KIF26B: variants seen among roughly 807,000 people sequenced by gnomAD.
KIF26B encodes kinesin family member 26B.
KIF26B carries 63 observed loss-of-function variants against 151.2 expected under a neutral mutation model. The ratio of observed to expected loss-of-function variants is 0.42; its 90% CI spans 0.34 to 0.51. The LOEUF (loss-of-function observed/expected upper bound fraction) is 0.51, where lower values mean the gene tolerates loss of function less well. Ranked by LOEUF, KIF26B falls within the 20% of genes least tolerant of loss-of-function variation. The probability of loss-of-function intolerance (pLI) is 0.07; values close to 1 mark genes in which losing one functional copy is unlikely to be tolerated. For missense variants in KIF26B, 2,813 were observed against 2,913.6 expected, an observed-to-expected ratio of 0.97 and a Z score of 0.79; for synonymous variants, 1,357 against 1,262.1, an observed-to-expected ratio of 1.08 and a Z score of -1.59.
At chr1:245,216,361 A>G (rs1326668872) in intron 2 of KIF26B, 1 of 152,176 alleles carries the variant, frequency 6.6e-6, no homozygotes, top group African/African-American at 2.4e-5. Flanking sequence ...GAACAGGGTA[A>G]ACTCAGAGAC....
intron 9 of KIF26B, among the ~76,000 whole-genome samples, chr1:245,645,550 C>T (rs375404856): frequency 1.7e-4 from 26 of 152,286 alleles, no homozygotes; most frequent in East Asian, 7.7e-4. Flanking sequence ...GGGAACTGAA[C>T]GAAACTGATG....
chr1:245,265,508 A>G (rs369831244), intron 2 of KIF26B, among the ~76,000 whole-genome samples: 5 of 152,268 alleles, frequency 3.3e-5, no homozygotes, highest in African/African-American at 1.2e-4. Context: ...TAGACCAAAT[A>G]CATCAATGTG....
At chr1:245,432,008 T>G (rs182873779) in intron 4 of KIF26B, among the ~76,000 whole-genome samples, 11 of 152,096 alleles carry the variant, frequency 7.2e-5, no homozygotes, top group Admixed American at 5.9e-4. Flanking sequence ...TAGGCTTTGT[T>G]CTTCTGCTTG....
intron 4 of KIF26B, among the ~76,000 whole-genome samples, chr1:245,483,056 T>C (rs979873967): frequency 2.6e-5 from 4 of 151,664 alleles, no homozygotes; most frequent in African/African-American, 9.7e-5. Flanking sequence ...GCATCATTTA[T>C]TTTGGAAGTT....
chr1:245,455,194 C>T (rs1461509715), intron 4 of KIF26B, among the ~76,000 whole-genome samples: 3 of 152,062 alleles, frequency 2.0e-5, no homozygotes, highest in Admixed American at 6.6e-5. Context: ...AACCCCTAAG[C>T]GTCTATCACT....
At chr1:245,173,643 C>A (rs1049280935) in intron 2 of KIF26B, among the ~76,000 whole-genome samples, 5 of 152,196 alleles carry the variant, frequency 3.3e-5, no homozygotes, top group African/African-American at 1.2e-4. Context: ...ACTGCACAGC[C>A]CTTCCTGCTC....
intron 10 of KIF26B, among the ~76,000 whole-genome samples, chr1:245,674,974 T>C (rs139207681): frequency 6.8e-4 from 103 of 152,318 alleles, no homozygotes; most frequent in African/African-American, 2.4e-3. Context: ...ACTGCATGTT[T>C]GGAGGGTTCC....
chr1:245,261,210 A>C (rs142518599), intron 2 of KIF26B, among the ~76,000 whole-genome samples: 4,045 of 150,350 alleles, frequency 0.027, 151 homozygotes, highest in African/African-American at 0.084. Flanking sequence ...CAATGGTGCA[A>C]TCTCGGCTCA....
At chr1:245,357,967 A>C (rs1417415897) in intron 2 of KIF26B, among the ~76,000 whole-genome samples, 1 of 152,146 alleles carries the variant, frequency 6.6e-6, no homozygotes, top group Non-Finnish European at 1.5e-5. Flanking sequence ...CCCAGATTAG[A>C]TGGCAGTGGC....
chr1:245,372,049 A>G (rs1315005363), intron 3 of KIF26B, among the ~76,000 whole-genome samples: 1 of 152,054 alleles, frequency 6.6e-6, no homozygotes, highest in Admixed American at 6.6e-5. Context: ...ACCCCAGGCC[A>G]CAGATTGATA....
chr1:245,201,225 C>T (rs1669295396), intron 2 of KIF26B, among the ~76,000 whole-genome samples: 1 of 152,188 alleles, frequency 6.6e-6, no homozygotes, highest in Admixed American at 6.5e-5. Context: ...TAAGGTATTA[C>T]AAGTTAAACA....
intron 4 of KIF26B, among the ~76,000 whole-genome samples, chr1:245,435,997 C>G (rs1000623485): frequency 2.6e-5 from 4 of 151,976 alleles, no homozygotes; most frequent in Non-Finnish European, 5.9e-5. Context: ...GCCAACATGA[C>G]AAAACCCCGT....
chr1:245,380,887 A>G (rs1410561571), intron 3 of KIF26B, among the ~76,000 whole-genome samples: 1 of 148,354 alleles, frequency 6.7e-6, no homozygotes. Context: ...GCTGTATTGT[A>G]TCTCCTCCCT....
chr1:245,513,294 G>A lies in KIF26B; in HGVS notation c.1167-27473G>A, dbSNP rs189374717. Among the ~76,000 whole-genome samples, 72 of 149,750 alleles carry A rather than the reference G, an allele frequency of 4.8e-4. 1 individual carries two copies. In the East Asian group the frequency reaches 7.1e-3, roughly 15 times the overall value. On this transcript the variant is annotated intron_variant, in intron 4 of 14. Coordinates refer to ENST00000407071, the MANE Select transcript of KIF26B (RefSeq NM_018012.4). ...TGCTTTTTAGCAGTGAATGAGCAAA[G>A]AGACCAGATATGCTGATACCTGCAC...
intron 5 of KIF26B, among the ~76,000 whole-genome samples, chr1:245,592,216 C>A (rs544462025): frequency 4.6e-5 from 7 of 152,368 alleles, no homozygotes; most frequent in African/African-American, 1.7e-4. Context: ...TATTTGCTGT[C>A]TGGCACCACG....
chr1:245,504,209 C>T (rs1301523872), intron 4 of KIF26B, among the ~76,000 whole-genome samples: 1 of 152,090 alleles, frequency 6.6e-6, no homozygotes, highest in East Asian at 1.9e-4. Context: ...CTCTCTCCAT[C>T]TCCCCAGGGC....
At chr1:245,383,039 GTA>G (rs71998690) in intron 3 of KIF26B, among the ~76,000 whole-genome samples, 21,959 of 146,096 alleles carry the variant, frequency 0.15, 1,869 homozygotes, top group East Asian at 0.32. Flanking sequence ...ATATGTATAT[GTA>G]TATATATATA....
chr1:245,256,295 C>G (rs1670532932), intron 2 of KIF26B, among the ~76,000 whole-genome samples: 1 of 152,204 alleles, frequency 6.6e-6, no homozygotes, highest in African/African-American at 2.4e-5. Context: ...TTTACGTAAC[C>G]TGGGTCCATG....
At chr1:245,532,568 A>G (rs1661398059) in intron 4 of KIF26B, among the ~76,000 whole-genome samples, 1 of 152,104 alleles carries the variant, frequency 6.6e-6, no homozygotes, top group Non-Finnish European at 1.5e-5. Context: ...GATGATTTCC[A>G]TTGGTTAACT....
Sources: gnomAD v4.1 joint callset for allele counts (sites outside exome capture counted in the v4.1 genomes callset) on GRCh38, gnomAD v4.1.1 for gene constraint, MANE v1.5 for transcripts, NCBI Gene and HGNC (gene_info 2026-07-23, HGNC 2026-07-21) for gene names.